DNAJB13: variants seen among roughly 807,000 people sequenced by gnomAD.
DNAJB13 encodes DnaJ heat shock protein family (Hsp40) member B13, also known as dnaJ homolog subfamily B member 13.
DNAJB13 carries 22 observed loss-of-function variants against 35.6 expected under a neutral mutation model. That is an observed-to-expected ratio of 0.62 (90% CI 0.44 to 0.88). The LOEUF is 0.88. Ranked by LOEUF, DNAJB13 falls within the 40% of genes least tolerant of loss-of-function variation. The probability of loss-of-function intolerance (pLI) is 0.00; values close to 1 mark genes in which losing one functional copy is unlikely to be tolerated. For synonymous variants in DNAJB13, 136 were observed against 144.2 expected, an observed-to-expected ratio of 0.94 and a Z score of 0.41; for missense variants, 370 against 384.3, an observed-to-expected ratio of 0.96 and a Z score of 0.31.
intron 4 of DNAJB13, chr11:73,965,868 GC>G: frequency 6.9e-6 from 3 of 431,908 alleles, no homozygotes; most frequent in Middle Eastern, 6.7e-4. Context: ...TCAGCCCCCA[GC>G]CCCAGTCTCA....
At chr11:73,964,028 T>C (rs954481945) in intron 3 of DNAJB13, 8 of 152,168 alleles carry the variant, frequency 5.3e-5, no homozygotes, top group African/African-American at 1.9e-4. Flanking sequence ...AATGTAAGGT[T>C]CCAAAAATAG....
At chr11:73,957,780 CTG>C (rs1394448840) in intron 1 of DNAJB13, among the ~76,000 whole-genome samples, 2 of 152,164 alleles carry the variant, frequency 1.3e-5, no homozygotes, top group Non-Finnish European at 1.5e-5. Flanking sequence ...CCCAAGATGC[CTG>C]TGTGTCTGCT....
In DNAJB13 at chr11:73,952,114, T is replaced by G. The variant is rs544730875; in HGVS notation, c.68+977T>G. On this transcript the variant is annotated intron_variant, in intron 1 of 7. Coordinates refer to ENST00000339764, the MANE Select transcript of DNAJB13 (RefSeq NM_153614.4). ...ATTTTGTTGCTGAATAGATGTTGAA[T>G]AAGTCACCACAACTGTGATGAGTGT... 3.3e-5 allele frequency among the ~76,000 whole-genome samples: 5 copies of G among 152,328 alleles called. No individual in the cohort carries two copies. In the South Asian group the frequency reaches 1.0e-3, roughly 32 times the overall value.
At chr11:73,959,338 C>G (rs1343424836) in intron 2 of DNAJB13, among the ~76,000 whole-genome samples, 156 bp from the exon 3 acceptor site, 1 of 152,212 alleles carries the variant, frequency 6.6e-6, no homozygotes, top group Non-Finnish European at 1.5e-5. Context: ...ACGCCTGACT[C>G]CTAGGGTCTC....
At chr11:73,965,753 C>G (rs1489840042) in intron 4 of DNAJB13, 2 of 185,514 alleles carry the variant, frequency 1.1e-5, no homozygotes, top group South Asian at 1.2e-4. Flanking sequence ...AGGGCCGGGC[C>G]TCTGGGATTT....
At chr11:73,968,049 C>T (rs1025078696) in intron 5 of DNAJB13, 21 of 494,792 alleles carry the variant, frequency 4.2e-5, no homozygotes, top group African/African-American at 4.1e-4. Flanking sequence ...TGCCTGACGC[C>T]CAGCTTAGTG....
chr11:73,961,842 T>A (rs1428678542), intron 3 of DNAJB13, among the ~76,000 whole-genome samples: 1 of 152,212 alleles, frequency 6.6e-6, no homozygotes, highest in African/African-American at 2.4e-5. Context: ...CAGGCTGGAG[T>A]GCAGTGGCAC....
chr11:73,963,552 G>A (rs1211096381), intron 3 of DNAJB13: 5 of 152,144 alleles, frequency 3.3e-5, no homozygotes, highest in Non-Finnish European at 7.3e-5. Flanking sequence ...CCACCCCAAG[G>A]GTTCCTGAGT....
At chr11:73,963,714 A>G (rs1466817386) in intron 3 of DNAJB13, 1 of 152,226 alleles carries the variant, frequency 6.6e-6, no homozygotes, top group Non-Finnish European at 1.5e-5. Context: ...TGCCCATCGC[A>G]TCTTAGAGGG....
chr11:73,965,076 C>T lies in DNAJB13; in HGVS notation c.492+41C>T, dbSNP rs760856589. The T allele has an allele frequency of 3.9e-6, 6 of 1,526,652 alleles. No homozygotes were observed. The African/African-American group carries it at 4.2e-5, about 11-fold the overall frequency. The allele number at this position is 1,526,652 out of a possible 1,614,324, so 94.6% of individuals were successfully genotyped here. A position where few individuals can be genotyped will look rare whatever the true frequency, so the allele number is the denominator to read the frequency against. ...GCTCCTCCCGGGAGCCACCTATCTC[C>T]TGCAGCCTAGCAGCTGCCTCCTCCC... On this transcript the variant is annotated intron_variant, in intron 4 of 7. Coordinates refer to ENST00000339764, the MANE Select transcript of DNAJB13 (RefSeq NM_153614.4).
Position 73,966,674 on chromosome 11 carries a change from T to G in DNAJB13, c.606+423T>G, listed in dbSNP as rs375163934. ...ATAATAATTTTATTTATTTATGTAT[T>G]TATTTATTTATTTATTTTTATTTTG... is the stretch of plus-strand genomic sequence containing the variant. On this transcript the variant is annotated intron_variant, in intron 5 of 7. Transcript: ENST00000339764. Among the ~76,000 whole-genome samples the G allele has an allele frequency of 3.4e-3, 482 of 142,748 alleles. 3 individuals are homozygous for G. Among genetic ancestry groups the G allele is most frequent in the Non-Finnish European group, 4.8e-3 (329 of 67,876 alleles). 93.6% of individuals were successfully genotyped at this position (142,748 alleles called of 152,430 possible). A position where few individuals can be genotyped will look rare whatever the true frequency, so the allele number is the denominator to read the frequency against.
chr11:73,960,895 C>A (rs1591187433), intron 3 of DNAJB13, among the ~76,000 whole-genome samples: 1 of 152,192 alleles, frequency 6.6e-6, no homozygotes, highest in African/African-American at 2.4e-5. Context: ...CATAAGATTT[C>A]ATTGTACAGA....
chr11:73,959,380 G>A, intron 2 of DNAJB13, 114 bp from the exon 3 acceptor site: 2 of 1,212,720 alleles, frequency 1.6e-6, no homozygotes, highest in East Asian at 5.3e-5. Flanking sequence ...CAGGCACTTT[G>A]GGATCAGGCT....
intron 3 of DNAJB13, 102 bp from the exon 4 acceptor site, chr11:73,964,775 GT>G: frequency 2.3e-6 from 1 of 436,332 alleles, no homozygotes. Context: ...CTGTGTGTGT[GT>G]GTGTGTGTGT....
chr11:73,961,161 T>A (rs1486993662), intron 3 of DNAJB13, among the ~76,000 whole-genome samples: 1 of 152,102 alleles, frequency 6.6e-6, no homozygotes, highest in African/African-American at 2.4e-5. Flanking sequence ...GTATCTGTAG[T>A]TCCAGCTACT....
chr11:73,963,412 A>T lies in DNAJB13; in HGVS notation c.335-1466A>T, dbSNP rs115195830. On this transcript the variant is annotated intron_variant, in intron 3 of 7. Transcript: ENST00000339764. The stretch of plus-strand genomic sequence containing the variant: ...GCAGTCCAAAAATGCCATACAGTGG[A>T]CCTTGCCTCCCTACCTGTCTCAGTT... Among the ~76,000 whole-genome samples, 1,318 of 152,238 alleles carry T rather than the reference A, an allele frequency of 8.7e-3. 26 individuals are homozygous for T. Among genetic ancestry groups the T allele is most frequent in the African/African-American group, 0.03 (1,252 of 41,548 alleles).
rs775526230 is a variant in DNAJB13, at chr11:73,964,948, G to T, written c.405G>T (p.Lys135Asn). Residue 135 changes from lysine (K) to asparagine (N), a missense_variant, in exon 4 of 8, where the codon AAG becomes AAT. Transcript: ENST00000339764. ...GGCTCCAGGGCCGAGGGGTCAAGAA[G>T]CAGGACCCCCAAGTCGAACGGGATC... ...FGGLQGRGVK[K>N]QDPQVERDLY... 2 of 1,613,378 alleles carry T rather than the reference G, an allele frequency of 1.2e-6. No individual in the cohort carries two copies. The highest frequency in any genetic ancestry group is 2.2e-5 in the South Asian group (2 of 90,964).
Position 73,959,584 on chromosome 11 carries a change from C to T in DNAJB13, c.263C>T (p.Thr88Ile), listed in dbSNP as rs1022933231. 6 of 1,614,214 alleles carry T rather than the reference C, an allele frequency of 3.7e-6. No homozygotes were observed. Among genetic ancestry groups the T allele is most frequent in the East Asian group, 2.2e-5 (1 of 44,886 alleles). ...LEFGSQTPWT[T>I]GYVFHGKPEK... Reference sequence around the variant, plus strand: ...TTTGGATCCCAGACCCCATGGACAACTGGTTACGTCTTCCATGGCAAACCT... The same window carrying T: ...TTTGGATCCCAGACCCCATGGACAATTGGTTACGTCTTCCATGGCAAACCT... The change falls in exon 3 of 8, where the codon ACT becomes ATT. Residue 88 changes from threonine to isoleucine, a missense_variant. Thr to Ile is a moderately conservative substitution (Grantham distance 89). Transcript: ENST00000339764.
In DNAJB13 at chr11:73,968,417, A is replaced by G. The variant is rs1951184187; in HGVS notation, c.679A>G (p.Asn227Asp). 2 of 1,614,034 alleles carry G rather than the reference A, an allele frequency of 1.2e-6. No homozygotes were observed. The highest frequency in any genetic ancestry group is 1.7e-6 in the Non-Finnish European group (2 of 1,179,986). The part of the protein sequence containing the change: ...EKLHPRFRRE[N>D]DNLFFVNPIP... Reference sequence around the variant, plus strand: ...GCTACACCCTCGCTTCCGCAGGGAGAATGACAACCTCTTCTTCGTGAACCC... The same window carrying G: ...GCTACACCCTCGCTTCCGCAGGGAGGATGACAACCTCTTCTTCGTGAACCC... The change falls in exon 6 of 8, where the codon AAT becomes GAT. Residue 227 changes from asparagine (N) to aspartate (D), a missense_variant. Physicochemically the swap from Asn to Asp is conservative, Grantham distance 23. Coordinates refer to ENST00000339764, the MANE Select transcript of DNAJB13 (RefSeq NM_153614.4).
Sources: allele counts gnomAD v4.1 joint callset (sites outside exome capture counted in the v4.1 genomes callset), GRCh38; gene constraint gnomAD v4.1.1; transcripts MANE v1.5; gene names NCBI Gene and HGNC (gene_info 2026-07-23, HGNC 2026-07-21).